The following KCNN2 variants were observed in gnomAD, a reference collection of about 807,000 sequenced individuals.
KCNN2 encodes the protein potassium calcium-activated channel subfamily N member 2.
Under a neutral mutation model 55.5 loss-of-function variants are expected in KCNN2, and 24 were observed. That is an observed-to-expected ratio of 0.43 (90% CI 0.31 to 0.61). The LOEUF (loss-of-function observed/expected upper bound fraction) is 0.61, where lower values mean the gene tolerates loss of function less well. Ranked by LOEUF, KCNN2 falls within the 20% of genes least tolerant of loss-of-function variation. KCNN2 has a pLI of 0.08. For synonymous variants in KCNN2, 431 were observed against 336.1 expected, an observed-to-expected ratio of 1.28 and a Z score of -3.09; for missense variants, 754 against 853.6, an observed-to-expected ratio of 0.88 and a Z score of 1.45.
intron 2 of KCNN2, among the ~76,000 whole-genome samples, chr5:114,302,887 G>A (rs1336103270): frequency 6.6e-6 from 1 of 152,200 alleles, no homozygotes; most frequent in Admixed American, 6.5e-5. Context: ...ACTTAGGAGA[G>A]AGATAACACA....
chr5:114,432,543 C>G (rs1759830826), intron 3 of KCNN2, among the ~76,000 whole-genome samples: 1 of 152,200 alleles, frequency 6.6e-6, no homozygotes, highest in African/African-American at 2.4e-5. Context: ...CCCTCGCTCG[C>G]TCTCGGCGCC....
intron 3 of KCNN2, among the ~76,000 whole-genome samples, chr5:114,406,014 A>T (rs1758921694): frequency 6.9e-6 from 1 of 144,416 alleles, no homozygotes; most frequent in South Asian, 2.2e-4. Context: ...CAGGCCGAAT[A>T]TTTTTTTTTT....
intron 4 of KCNN2, among the ~76,000 whole-genome samples, chr5:114,465,783 A>C (rs1424347992): frequency 6.6e-6 from 1 of 152,210 alleles, no homozygotes; most frequent in African/African-American, 2.4e-5. Flanking sequence ...CATAAGGATC[A>C]GACTTATTTC....
intron 2 of KCNN2, among the ~76,000 whole-genome samples, chr5:114,265,811 T>C (rs1755198516): frequency 6.6e-6 from 1 of 152,188 alleles, no homozygotes; most frequent in South Asian, 2.1e-4. Context: ...ATATAGTTCT[T>C]AGGCAGGGAA....
intron 2 of KCNN2, among the ~76,000 whole-genome samples, chr5:114,291,058 GT>G (rs1225257897): frequency 6.6e-6 from 1 of 151,910 alleles, no homozygotes; most frequent in Non-Finnish European, 1.5e-5. Context: ...CTAGAATTGT[GT>G]TTTTGTGCAT....
At chr5:114,483,362 C>T (rs1000938192) in intron 5 of KCNN2, among the ~76,000 whole-genome samples, 1 of 150,094 alleles carries the variant, frequency 6.7e-6, no homozygotes, top group Non-Finnish European at 1.5e-5. Context: ...GCAACCTCCA[C>T]CTCCTGGGTT....
At chr5:114,298,712 G>A (rs1201461545) in intron 2 of KCNN2, among the ~76,000 whole-genome samples, 1 of 152,142 alleles carries the variant, frequency 6.6e-6, no homozygotes, top group African/African-American at 2.4e-5. Flanking sequence ...GATTAATTTT[G>A]TTCTTTTTCA....
In KCNN2 at chr5:114,078,883, T is replaced by A. The variant is rs184830524; in HGVS notation, c.-271+22383T>A. Among the ~76,000 whole-genome samples the A allele has an allele frequency of 2.7e-3, 404 of 152,292 alleles. 2 individuals are homozygous for A. In the Middle Eastern group the frequency reaches 0.027, roughly 10 times the overall value. Reference sequence around the variant, plus strand: ...TCTGCCTGCAGAGCACCTGCTGATATCATGTGCAGATGGGGTATTTACAAC... The same window carrying A: ...TCTGCCTGCAGAGCACCTGCTGATAACATGTGCAGATGGGGTATTTACAAC... On this transcript the variant is annotated intron_variant, in intron 1 of 10. Transcript: ENST00000512097.
intron 2 of KCNN2, among the ~76,000 whole-genome samples, chr5:114,339,956 T>A (rs1756987595): frequency 6.6e-6 from 1 of 152,192 alleles, no homozygotes; most frequent in Admixed American, 6.5e-5. Flanking sequence ...AACAGGCAAG[T>A]TAATTTCTCA....
intron 1 of KCNN2, among the ~76,000 whole-genome samples, chr5:114,139,297 T>A (rs534673303): frequency 6.6e-6 from 1 of 152,152 alleles, no homozygotes; most frequent in African/African-American, 2.4e-5. Context: ...TGATTTGATA[T>A]GAGATTTGGA....
At chr5:114,057,438 T>C (rs1020675815) in intron 1 of KCNN2, among the ~76,000 whole-genome samples, 1 of 152,200 alleles carries the variant, frequency 6.6e-6, no homozygotes, top group African/African-American at 2.4e-5. Flanking sequence ...GGAACCGAGA[T>C]TGAAGCTCAG....
At chr5:114,229,227 G>A (rs1021921855) in intron 2 of KCNN2, among the ~76,000 whole-genome samples, 1 of 151,548 alleles carries the variant, frequency 6.6e-6, no homozygotes, top group Non-Finnish European at 1.5e-5. Flanking sequence ...TTAATTTCTG[G>A]AAAATGTGTC....
At chr5:114,412,931 C>T (rs971833139) in intron 3 of KCNN2, among the ~76,000 whole-genome samples, 8 of 152,130 alleles carry the variant, frequency 5.3e-5, no homozygotes, top group African/African-American at 1.9e-4. Context: ...CAGCTGTTGC[C>T]AAGTAAACTC....
intron 2 of KCNN2, among the ~76,000 whole-genome samples, chr5:114,272,099 A>T (rs1284668048): frequency 6.6e-6 from 1 of 152,186 alleles, no homozygotes; most frequent in Non-Finnish European, 1.5e-5. Flanking sequence ...GATAAACAAC[A>T]CTATAGAAAG....
chr5:114,108,443 G>C (rs1005520600), intron 1 of KCNN2, among the ~76,000 whole-genome samples: 2 of 151,732 alleles, frequency 1.3e-5, no homozygotes, highest in African/African-American at 4.8e-5. Flanking sequence ...TATATAATTT[G>C]GTAAGTTTTG....
At chr5:114,464,091 C>T (rs1761333046) in intron 4 of KCNN2, among the ~76,000 whole-genome samples, 1 of 152,150 alleles carries the variant, frequency 6.6e-6, no homozygotes, top group Non-Finnish European at 1.5e-5. Flanking sequence ...GTTCTTCTGG[C>T]ATGCCTCATA....
intron 1 of KCNN2, among the ~76,000 whole-genome samples, chr5:114,067,534 C>T (rs563619257): frequency 2.6e-5 from 4 of 152,138 alleles, no homozygotes; most frequent in African/African-American, 9.6e-5. Context: ...TTTTAAATAC[C>T]TATCATAGCT....
chr5:114,405,659 G>A (rs917370880), intron 3 of KCNN2, among the ~76,000 whole-genome samples: 1 of 152,092 alleles, frequency 6.6e-6, no homozygotes, highest in Non-Finnish European at 1.5e-5. Flanking sequence ...GACATTTCTA[G>A]GAGTGTTGAA....
intron 1 of KCNN2, among the ~76,000 whole-genome samples, chr5:114,127,511 G>A (rs982985887): frequency 6.6e-6 from 1 of 152,290 alleles, no homozygotes; most frequent in African/African-American, 2.4e-5. Flanking sequence ...TCGCTAGGCT[G>A]CACACAGCAG....
Sources: allele counts gnomAD v4.1 joint callset (sites outside exome capture counted in the v4.1 genomes callset), GRCh38; gene constraint gnomAD v4.1.1; transcripts MANE v1.5; gene names NCBI Gene and HGNC (gene_info 2026-07-23, HGNC 2026-07-21).